PRKN: variants seen among roughly 807,000 people sequenced by gnomAD.
PRKN encodes the protein parkin RBR E3 ubiquitin protein ligase.
A neutral mutation model predicts 59.5 loss-of-function variants in PRKN; 56 were observed. The observed-to-expected ratio is 0.94, with a 90% CI of 0.76 to 1.18. The LOEUF (loss-of-function observed/expected upper bound fraction) is 1.18, where lower values mean the gene tolerates loss of function less well. PRKN is among the 50% of genes most tolerant of loss of function. PRKN has a pLI of 0.00. For synonymous variants in PRKN, 250 were observed against 222.1 expected (o/e 1.13, Z -1.12); for missense variants, 657 against 596.4 (o/e 1.10, Z -1.06).
chr6:162,396,207 G>A (rs948903727), intron 2 of PRKN, among the ~76,000 whole-genome samples: 2 of 152,184 alleles, frequency 1.3e-5, no homozygotes, highest in Admixed American at 1.3e-4. Context: ...AGCTGGGATT[G>A]TAGGAGTTTT....
intron 7 of PRKN, among the ~76,000 whole-genome samples, chr6:161,606,348 A>G (rs531922867): frequency 7.2e-5 from 11 of 152,276 alleles, no homozygotes; most frequent in Admixed American, 3.9e-4. Flanking sequence ...GTTGGTGACT[A>G]CCTAGATGTG....
intron 5 of PRKN, among the ~76,000 whole-genome samples, chr6:161,991,158 A>G (rs1285611089): frequency 6.6e-6 from 1 of 152,246 alleles, no homozygotes; most frequent in African/African-American, 2.4e-5. Flanking sequence ...CTATCTTTCA[A>G]AAAGAAAGGA....
intron 6 of PRKN, among the ~76,000 whole-genome samples, chr6:161,863,902 A>C (rs1395461451): frequency 6.6e-6 from 1 of 152,252 alleles, no homozygotes; most frequent in East Asian, 1.9e-4. Context: ...TTAAGTGTAC[A>C]AGAGCATTAT....
intron 1 of PRKN, among the ~76,000 whole-genome samples, chr6:162,636,457 G>T (rs1221269567): frequency 6.6e-6 from 1 of 152,152 alleles, no homozygotes; most frequent in East Asian, 1.9e-4. Flanking sequence ...GAAGAAACTT[G>T]GCACAAAGAG....
Position 161,525,569 on chromosome 6 carries a change from A to C in PRKN, c.1083+23285T>G, listed in dbSNP as rs992891485. ...AGAGAAGGAAAAATGATCAGAAAGCAAAGAGAGGAAAAGTTTAGTTTATGA... is the reference window on the plus strand; with the variant it reads ...AGAGAAGGAAAAATGATCAGAAAGCCAAGAGAGGAAAAGTTTAGTTTATGA... On this transcript the variant is annotated intron_variant, in intron 9 of 11. Coordinates refer to ENST00000366898, the MANE Select transcript of PRKN (RefSeq NM_004562.3). The surrounding 1 kb of genome is among the most constrained non-coding windows in gnomAD (Gnocchi z 4.7). Among the ~76,000 whole-genome samples the C allele has an allele frequency of 6.6e-6, 1 of 152,322 alleles. No homozygotes were observed.
At chr6:162,405,362 C>G (rs1019226386) in intron 2 of PRKN, among the ~76,000 whole-genome samples, 1 of 152,166 alleles carries the variant, frequency 6.6e-6, no homozygotes, top group East Asian at 1.9e-4. Context: ...CTAAGTCGCC[C>G]TCACACATGC....
chr6:162,122,707 C>A (rs551932922), intron 4 of PRKN, among the ~76,000 whole-genome samples: 1 of 147,778 alleles, frequency 6.8e-6, no homozygotes, highest in Non-Finnish European at 1.5e-5. Context: ...TAGCCTGGGG[C>A]TCAATCTGTT....
intron 7 of PRKN, among the ~76,000 whole-genome samples, chr6:161,734,472 G>A (rs962897348): frequency 6.6e-6 from 1 of 152,122 alleles, no homozygotes; most frequent in East Asian, 1.9e-4. Flanking sequence ...AAGGCAGATC[G>A]CAAAGTCTTG....
chr6:161,985,190 C>A (rs946021385), intron 5 of PRKN, among the ~76,000 whole-genome samples: 2 of 152,116 alleles, frequency 1.3e-5, no homozygotes, highest in African/African-American at 4.8e-5. Flanking sequence ...TGTAGCCTAG[C>A]CCGACAATAA....
At chr6:161,594,477 C>A (rs1383552467) in intron 7 of PRKN, among the ~76,000 whole-genome samples, 1 of 152,184 alleles carries the variant, frequency 6.6e-6, no homozygotes, top group African/African-American at 2.4e-5. Context: ...CTTTGAACAA[C>A]AAATTCATGT....
At chr6:162,483,812 T>A (rs146366718) in intron 1 of PRKN, among the ~76,000 whole-genome samples, 283 of 152,324 alleles carry the variant, frequency 1.9e-3, no homozygotes, top group Middle Eastern at 0.01. Flanking sequence ...TGTAAGATGA[T>A]GTGTCTATAA....
At chr6:162,286,413 T>C (rs1484474533) in intron 2 of PRKN, among the ~76,000 whole-genome samples, 4 of 152,170 alleles carry the variant, frequency 2.6e-5, no homozygotes, top group African/African-American at 7.2e-5. Context: ...TGATAGTATG[T>C]AGGCCATCTT....
At chr6:162,282,864 T>C (rs545635108) in intron 2 of PRKN, among the ~76,000 whole-genome samples, 60 of 152,306 alleles carry the variant, frequency 3.9e-4, no homozygotes, top group Admixed American at 2.4e-3. Flanking sequence ...GGAATTTGAA[T>C]GTTTCTGAAA....
At chr6:161,889,993 G>A (rs565615769) in intron 6 of PRKN, among the ~76,000 whole-genome samples, 311 of 152,226 alleles carry the variant, frequency 2.0e-3, no homozygotes, top group Admixed American at 5.6e-3. Flanking sequence ...GAAAGTACAC[G>A]CATTCGAGGA....
chr6:162,306,868 A>T (rs981947437), intron 2 of PRKN, among the ~76,000 whole-genome samples: 1 of 151,956 alleles, frequency 6.6e-6, no homozygotes, highest in East Asian at 1.9e-4. Context: ...CAGCACATCC[A>T]CTCCAGCTGA....
intron 1 of PRKN, among the ~76,000 whole-genome samples, chr6:162,565,612 C>A (rs1056533858): frequency 2.0e-5 from 3 of 152,140 alleles, no homozygotes; most frequent in African/African-American, 7.2e-5. Flanking sequence ...ATTGCTTGAA[C>A]CTGACAGGCA....
intron 7 of PRKN, among the ~76,000 whole-genome samples, chr6:161,676,501 TA>T (rs1312884027): frequency 3.9e-5 from 6 of 152,128 alleles, no homozygotes; most frequent in African/African-American, 1.4e-4. Flanking sequence ...TGACAGAAAA[TA>T]ATATAAAATT....
chr6:161,690,032 A>G (rs991320720), intron 7 of PRKN, among the ~76,000 whole-genome samples: 1 of 152,230 alleles, frequency 6.6e-6, no homozygotes, highest in African/African-American at 2.4e-5. Flanking sequence ...AATTTAATTT[A>G]GAATTAAATG....
chr6:162,254,621 T>C (rs765562006), intron 3 of PRKN, among the ~76,000 whole-genome samples: 1 of 152,138 alleles, frequency 6.6e-6, no homozygotes, highest in Non-Finnish European at 1.5e-5. Flanking sequence ...TGTGTTTGCA[T>C]TGCACAATGA....
Sources: allele counts gnomAD v4.1 joint callset (sites outside exome capture counted in the v4.1 genomes callset), GRCh38; gene constraint gnomAD v4.1.1; non-coding constraint Gnocchi (gnomAD v3.1); transcripts MANE v1.5; gene names NCBI Gene and HGNC (gene_info 2026-07-23, HGNC 2026-07-21).